ANKRD13A: variants seen among roughly 807,000 people sequenced by gnomAD.
ANKRD13A encodes the protein ankyrin repeat domain 13A, also known as ankyrin repeat domain-containing protein 13A.
A neutral mutation model predicts 81.3 loss-of-function variants in ANKRD13A; 48 were observed. That is an observed-to-expected ratio of 0.59 (90% CI 0.47 to 0.75). The LOEUF (loss-of-function observed/expected upper bound fraction) is 0.75. Among genes scored for constraint, ANKRD13A ranks in the 30% least tolerant of loss-of-function variants. The pLI is 0.00. For missense variants in ANKRD13A, 612 were observed against 734.0 expected, an observed-to-expected ratio of 0.83 and a Z score of 1.92; for synonymous variants, 230 against 270.1, an observed-to-expected ratio of 0.85 and a Z score of 1.45.
At chr12:110,000,350 GAT>G (rs1593191130) in intron 1 of ANKRD13A, among the ~76,000 whole-genome samples, 1 of 152,324 alleles carries the variant, frequency 6.6e-6, no homozygotes, top group East Asian at 1.9e-4. Context: ...TGACTCTATT[GAT>G]AGGTCTGGGG....
chr12:110,037,863 A>C lies in ANKRD13A; in HGVS notation c.*309A>C. ...ACTACCAGCTTTAGACAAAACCCCA[A>C]TCCCCGCAGGTTTGTAGATAAATTT... On this transcript the variant is annotated 3_prime_UTR_variant, in exon 15 of 15. Transcript: ENST00000261739. 2 of 215,158 alleles carry C rather than the reference A, an allele frequency of 9.3e-6. No homozygotes were observed. The highest frequency in any genetic ancestry group is 1.9e-5 in the Non-Finnish European group (2 of 108,038). 13.3% of individuals were successfully genotyped at this position (215,158 alleles called of 1,614,324 possible).
rs142404727 is a variant in ANKRD13A, at chr12:110,036,136, A to G, written c.1510-125A>G. ...ACCCAAGTCCCTGTTAGCTTTTCAC[A>G]CAGCACTATTGATAATGGTCATGGA... On this transcript the variant is annotated intron_variant, in intron 13 of 14. Coordinates refer to ENST00000261739, the MANE Select transcript of ANKRD13A (RefSeq NM_033121.2). This position sits in a 1 kb window ranked among gnomAD's most constrained non-coding sequence, Gnocchi z 4.6. 7,254 of 887,742 alleles carry G rather than the reference A, an allele frequency of 8.2e-3. 40 individuals are homozygous for G. Among genetic ancestry groups the G allele is most frequent in the Non-Finnish European group, 9.6e-3 (5,169 of 536,906 alleles). The allele number at this position is 887,742 out of a possible 1,614,324, so 55.0% of individuals were successfully genotyped here. A position where few individuals can be genotyped will look rare whatever the true frequency, so the allele number is the denominator to read the frequency against.
chr12:110,001,483 A>G (rs1361221509), intron 1 of ANKRD13A, among the ~76,000 whole-genome samples: 1 of 147,702 alleles, frequency 6.8e-6, no homozygotes, highest in African/African-American at 2.5e-5. Context: ...TCTGTCATTC[A>G]GACTTGAGTG....
intron 1 of ANKRD13A, among the ~76,000 whole-genome samples, chr12:110,011,368 G>A (rs12312565): frequency 0.081 from 12,280 of 152,224 alleles, 531 homozygotes; most frequent in Middle Eastern, 0.13. Flanking sequence ...GGATGGAAGT[G>A]ACGCATGTGC....
Position 110,013,239 on chromosome 12 carries a change from A to G in ANKRD13A, c.344A>G (p.Lys115Arg). The G allele has an allele frequency of 6.2e-7, 1 of 1,614,056 alleles. No individual in the cohort carries two copies. Among genetic ancestry groups the G allele is most frequent in the Non-Finnish European group, 8.5e-7 (1 of 1,179,982 alleles). The change falls in exon 3 of 15, where the codon AAA becomes AGA. Residue 115 changes from lysine to arginine, a missense_variant. By Grantham distance (26) the Lys-to-Arg change is conservative. Transcript: ENST00000261739. ...GAGGGAGTTCCTGAGCTGCTCCAAA[A>G]AATTCTCGAGGTATCCATGAAAATG... Reference protein sequence around the residue: ...ALEGVPELLQKILEAPDFYVQ... With the variant: ...ALEGVPELLQRILEAPDFYVQ...
chr12:110,028,583 G>A lies in ANKRD13A; in HGVS notation c.1017G>A (p.Glu339=). 3 of 1,614,220 alleles carry A rather than the reference G, an allele frequency of 1.9e-6. No homozygotes were observed. Among genetic ancestry groups the A allele is most frequent in the Non-Finnish European group, 2.5e-6 (3 of 1,180,034 alleles). ...AITPDEYFNE[E]FDLKDRDIGR... ...CGCCTGATGAGTACTTCAATGAAGA[G>A]TTTGATCTGAAAGACAGGGACATTG... Residue 339 remains glutamate, a synonymous_variant, in exon 10 of 15, where the codon GAG becomes GAA. Coordinates refer to ENST00000261739, the MANE Select transcript of ANKRD13A (RefSeq NM_033121.2).
intron 8 of ANKRD13A, among the ~76,000 whole-genome samples, chr12:110,026,838 T>C (rs1194257732): frequency 6.6e-6 from 1 of 152,034 alleles, no homozygotes; most frequent in Non-Finnish European, 1.5e-5. Flanking sequence ...GCCAAGATTG[T>C]CCCACTGCAC....
rs540649051 is a variant in ANKRD13A at position 110,005,904 on chromosome 12, C to T, written c.97-6101C>T. Among the ~76,000 whole-genome samples, 3 of 152,178 alleles carry T rather than the reference C, an allele frequency of 2.0e-5. No individual in the cohort carries two copies. The South Asian group carries it at 6.2e-4, about 32-fold the overall frequency. ...TGATCTCAGCTCTCTGCAACCTCTG[C>T]CTCCTGGGTTTAAGCGATTCTCCTG... is the stretch of plus-strand genomic sequence containing the variant. On this transcript the variant is annotated intron_variant, in intron 1 of 14. Coordinates refer to ENST00000261739, the MANE Select transcript of ANKRD13A (RefSeq NM_033121.2).
At chr12:110,014,870 A>G (rs1593207729) in intron 3 of ANKRD13A, among the ~76,000 whole-genome samples, 1 of 145,992 alleles carries the variant, frequency 6.8e-6, no homozygotes, top group Admixed American at 6.8e-5. Flanking sequence ...TGCAAGCTCC[A>G]CCTCCCGGGT....
chr12:110,009,243 G>A (rs756881091), intron 1 of ANKRD13A, among the ~76,000 whole-genome samples: 61 of 152,104 alleles, frequency 4.0e-4, no homozygotes, highest in Non-Finnish European at 7.6e-4. Flanking sequence ...CACCACGCGC[G>A]GCTAATTTTG....
intron 4 of ANKRD13A, among the ~76,000 whole-genome samples, chr12:110,017,138 G>A (rs1033392909): frequency 1.3e-5 from 2 of 152,068 alleles, no homozygotes; most frequent in Non-Finnish European, 2.9e-5. Flanking sequence ...TCGAACTCCT[G>A]TCCTCAGCTG....
At position 110,024,107 on chromosome 12, in the gene ANKRD13A, G is replaced by T; in HGVS notation, c.796G>T (p.Ala266Ser). Residue 266 changes from alanine to serine, a missense_variant, in exon 7 of 15, where the codon GCA becomes TCA. Transcript: ENST00000261739. Reference sequence around the variant, plus strand: ...AGCAGAAGTTGTTAATGGTTACGAAGCAAAGGTAAAAGGAAACTCTTAAAA... The same window carrying T: ...AGCAGAAGTTGTTAATGGTTACGAATCAAAGGTAAAAGGAAACTCTTAAAA... ...DKAEVVNGYE[A>S]KVYTVNNVNV... The T allele has an allele frequency of 1.2e-6, 2 of 1,605,342 alleles. No individual in the cohort carries two copies. The highest frequency in any genetic ancestry group is 8.5e-7 in the Non-Finnish European group (1 of 1,177,790).
Position 110,028,552 on chromosome 12 carries a change from C to A in ANKRD13A, c.986C>A (p.Ala329Asp), listed in dbSNP as rs772626602. 2.5e-6 allele frequency: 4 copies of A among 1,614,018 alleles called. No homozygotes were observed. Among genetic ancestry groups the A allele is most frequent in the Non-Finnish European group, 3.4e-6 (4 of 1,180,024 alleles). ...TECATANNPTAITPDEYFNEE... is the reference protein window; with the variant it reads ...TECATANNPTDITPDEYFNEE... The stretch of plus-strand genomic sequence containing the variant: ...TGTGCTACTGCAAACAACCCCACAG[C>A]CATCACGCCTGATGAGTACTTCAAT... Residue 329 changes from alanine (A) to aspartate (D), a missense_variant, in exon 10 of 15, where the codon GCC becomes GAC. Ala to Asp is a moderately radical substitution (Grantham distance 126, BLOSUM62 -2). Transcript: ENST00000261739.
chr12:110,018,949 T>C lies in ANKRD13A; in HGVS notation c.545-190T>C, dbSNP rs1325186098. Among the ~76,000 whole-genome samples the C allele has an allele frequency of 6.6e-6, 1 of 152,244 alleles. No homozygotes were observed. The highest frequency in any genetic ancestry group is 1.5e-5 in the Non-Finnish European group (1 of 68,044). On this transcript the variant is annotated intron_variant, in intron 5 of 14. Coordinates refer to ENST00000261739, the MANE Select transcript of ANKRD13A (RefSeq NM_033121.2). The surrounding 1 kb of genome is among the most constrained non-coding windows in gnomAD (Gnocchi z 4.4). ...TTGGGGAAGATGGCTCAGAGCTTCC[T>C]ATGTGTTGTGGAAAGCTGGTCAGAT...
intron 12 of ANKRD13A, chr12:110,032,901 A>G (rs1443737656): frequency 3.3e-5 from 5 of 152,182 alleles, no homozygotes; most frequent in South Asian, 2.1e-4. Context: ...AATACAAACT[A>G]TTAGGATGAT....
intron 1 of ANKRD13A, among the ~76,000 whole-genome samples, chr12:110,010,571 G>C (rs890918674): frequency 2.6e-5 from 4 of 152,140 alleles, no homozygotes. Flanking sequence ...CATAACCTTG[G>C]GAAGAGTCAG....
intron 1 of ANKRD13A, among the ~76,000 whole-genome samples, chr12:110,001,667 A>T (rs1274828271): frequency 6.6e-6 from 1 of 151,576 alleles, no homozygotes; most frequent in Non-Finnish European, 1.5e-5. Flanking sequence ...CAATCCGCCC[A>T]CCTCTACCTC....
chr12:110,020,701 T>C (rs949908963), intron 6 of ANKRD13A, among the ~76,000 whole-genome samples: 2 of 152,246 alleles, frequency 1.3e-5, no homozygotes, highest in African/African-American at 2.4e-5. Context: ...CTTAGGGCTC[T>C]GTTCATAACC....
rs570006157 is a variant in ANKRD13A, at chr12:110,036,585, T to TA, written c.1577+265dup. Reference sequence around the variant, plus strand: ...TAACACGGTGAAACCCTGTCTCTCCTAAAAAAAATACAAAAAATTAGCCGG... The same window carrying TA: ...TAACACGGTGAAACCCTGTCTCTCCTAAAAAAAAATACAAAAAATTAGCCGG... On this transcript the variant is annotated intron_variant, in intron 14 of 14. Transcript: ENST00000261739. The surrounding 1 kb of genome is among the most constrained non-coding windows in gnomAD (Gnocchi z 4.6). 3.5e-4 allele frequency among the ~76,000 whole-genome samples: 53 copies of TA among 151,740 alleles called. No homozygotes were observed. In the South Asian group the frequency reaches 4.8e-3, roughly 14 times the overall value.
Sources: allele counts gnomAD v4.1 joint callset (sites outside exome capture counted in the v4.1 genomes callset), GRCh38; gene constraint gnomAD v4.1.1; non-coding constraint Gnocchi (gnomAD v3.1); transcripts MANE v1.5; gene names NCBI Gene and HGNC (gene_info 2026-07-23, HGNC 2026-07-21).